The following MMGT1 variants were observed in gnomAD, a reference collection of about 807,000 sequenced individuals.
MMGT1 encodes the protein membrane magnesium transporter 1, also known as ER membrane protein complex subunit 5.
A neutral mutation model predicts 11.7 loss-of-function variants in MMGT1; 2 were observed. The observed-to-expected ratio is 0.17, with a 90% CI of 0.07 to 0.54. MMGT1 has a LOEUF of 0.54. Among genes scored for constraint, MMGT1 ranks in the 20% least tolerant of loss-of-function variants. MMGT1 has a pLI of 0.94. For synonymous variants in MMGT1, 49 were observed against 44.4 expected (o/e 1.10, Z -0.41); for missense variants, 74 against 109.0 (o/e 0.68, Z 1.43).
At chrX:135,967,567 C>T (rs1039825290) in intron 2 of MMGT1, 74 bp from the exon 3 acceptor site, 10 of 571,972 alleles carry the variant, frequency 1.7e-5, no homozygotes, top group Non-Finnish European at 2.7e-5. Context: ...CTCTCTACCT[C>T]TTCATTGCCT....
chrX:135,972,639 T>C (rs1286325128), intron 1 of MMGT1, among the ~76,000 whole-genome samples: 17 of 112,220 alleles, frequency 1.5e-4, no homozygotes, highest in Non-Finnish European at 1.9e-5. Context: ...TAAAGCTTAC[T>C]GTAGAAAATG....
In MMGT1 at chrX:135,964,845, A is replaced by G. The variant is rs1193308679; in HGVS notation, c.*179T>C. 3.3e-5 allele frequency: 12 copies of G among 363,854 alleles called. No individual in the cohort carries two copies. Among genetic ancestry groups the G allele is most frequent in the Non-Finnish European group, 5.4e-5 (11 of 203,915 alleles). The allele number at this position is 363,854 out of a possible 1,213,427, so 30.0% of individuals were successfully genotyped here. The stretch of plus-strand genomic sequence containing the variant: ...ATACCAAAGACTCATTTCACATATA[A>G]CTTACACTGCATTAATGATTGGATT... On this transcript the variant is annotated 3_prime_UTR_variant, in exon 4 of 4. Transcript: ENST00000305963.
rs782736563 is a variant in MMGT1 at position 135,965,082 on chromosome X, T to A, written c.338A>T (p.Asp113Val). 3.7e-5 allele frequency: 45 copies of A among 1,208,047 alleles called. No homozygotes were observed. Among genetic ancestry groups the A allele is most frequent in the Non-Finnish European group, 4.8e-5 (43 of 893,657 alleles). The change falls in exon 4 of 4, where the codon GAT becomes GTT. Residue 113 changes from aspartate (D) to valine (V), a missense_variant. By Grantham distance (152) the Asp-to-Val change is radical. Transcript: ENST00000305963. ...PSDTANSSNQ[D>V]ALSSNTSLKL... ...CAATGATGTGTTAGAGGACAATGCA[T>A]CTTGGTTTGAAGAATTTGCTGTATC... is the stretch of plus-strand genomic sequence containing the variant.
chrX:135,969,893 G>C (rs190160830), intron 2 of MMGT1, among the ~76,000 whole-genome samples: 1 of 111,574 alleles, frequency 9.0e-6, no homozygotes, highest in African/African-American at 3.3e-5. Flanking sequence ...AGTAGAAGTG[G>C]AACTGCCAAG....
chrX:135,964,780 G>C lies in MMGT1; in HGVS notation c.*244C>G, dbSNP rs185599069. 163 of 252,115 alleles carry C rather than the reference G, an allele frequency of 6.5e-4. 2 individuals carry two copies. In the Admixed American group the frequency reaches 6.8e-3, roughly 10 times the overall value. 20.8% of individuals were successfully genotyped at this position (252,115 alleles called of 1,213,427 possible). A position where few individuals can be genotyped will look rare whatever the true frequency, so the allele number is the denominator to read the frequency against. On this transcript the variant is annotated 3_prime_UTR_variant, in exon 4 of 4. Coordinates refer to ENST00000305963, the MANE Select transcript of MMGT1 (RefSeq NM_173470.3). ...AACAGTGGCTTTTACAAAAGATGTG[G>C]ATTTGTTTTAAATGAAAAAAAAAAT...
chrX:135,965,526 C>A (rs2089180460), intron 3 of MMGT1, among the ~76,000 whole-genome samples: 1 of 111,417 alleles, frequency 9.0e-6, no homozygotes, highest in African/African-American at 3.3e-5. Context: ...CTCAGCCCCC[C>A]AAGTGCTGGC....
At chrX:135,967,672 A>G (rs2089193626) in intron 2 of MMGT1, among the ~76,000 whole-genome samples, 179 bp from the exon 3 acceptor site, 1 of 111,743 alleles carries the variant, frequency 8.9e-6, no homozygotes, top group African/African-American at 3.3e-5. Flanking sequence ...AATTCTGTGG[A>G]TTGGCTGCAA....
At chrX:135,967,541 A>G in intron 2 of MMGT1, 48 bp from the exon 3 acceptor site, 2 of 747,837 alleles carry the variant, frequency 2.7e-6, no homozygotes. Context: ...ACATTATTAT[A>G]AATATTTACA....
Position 135,969,340 on chromosome X carries a change from T to G in MMGT1, c.132+1718A>C, listed in dbSNP as rs191435163. Among the ~76,000 whole-genome samples, 96 of 111,559 alleles carry G rather than the reference T, an allele frequency of 8.6e-4. 1 individual carries two copies. The highest frequency in any genetic ancestry group is 3.0e-3 in the African/African-American group (91 of 30,680). On this transcript the variant is annotated intron_variant, in intron 2 of 3. Transcript: ENST00000305963. The stretch of plus-strand genomic sequence containing the variant: ...CCACCAGTCTACCAAGAACACTTGG[T>G]TTTTGTTTTTGAGATGGAGTCTCGC...
intron 2 of MMGT1, among the ~76,000 whole-genome samples, chrX:135,969,731 A>G (rs1556612405): frequency 8.9e-6 from 1 of 112,559 alleles, no homozygotes. Context: ...TTAAGTAATA[A>G]AAAAGTTAAT....
In MMGT1 at chrX:135,971,968, A is replaced by G. The variant is rs183472051; in HGVS notation, c.80-858T>C. On this transcript the variant is annotated intron_variant, in intron 1 of 3. Coordinates refer to ENST00000305963, the MANE Select transcript of MMGT1 (RefSeq NM_173470.3). ...TTAGAATCAAAGAAATACAGTATCT[A>G]TTTTTTTCATTACCTGAATTTCCAC... Among the ~76,000 whole-genome samples the G allele has an allele frequency of 4.0e-3, 444 of 112,130 alleles. 2 individuals are homozygous for G. The highest frequency in any genetic ancestry group is 6.4e-3 in the Non-Finnish European group (343 of 53,236).
In MMGT1 at chrX:135,973,867, T is replaced by C; in HGVS notation, c.-192A>G. ...GGAATGCCGGGAAGAAGCAGAAAGC[T>C]ACACGGAAAAAGGTCCGCGAGAACC... On this transcript the variant is annotated 5_prime_UTR_variant, in exon 1 of 4. Transcript: ENST00000305963. 8.6e-7 allele frequency: 1 copy of C among 1,156,928 alleles called. No homozygotes were observed. The highest frequency in any genetic ancestry group is 1.2e-6 in the Non-Finnish European group (1 of 869,010).
chrX:135,970,983 G>A (rs1698904966), intron 2 of MMGT1, 75 bp downstream of exon 2: 1 of 722,217 alleles, frequency 1.4e-6, no homozygotes, highest in Non-Finnish European at 2.1e-6. Flanking sequence ...CGAAAAACCA[G>A]TAAAAAAAAA....
In MMGT1 at chrX:135,963,834, C is replaced by T. The variant is rs994411208; in HGVS notation, c.*1190G>A. 2 of 112,476 alleles carry T rather than the reference C, an allele frequency of 1.8e-5. No homozygotes were observed. Among genetic ancestry groups the T allele is most frequent in the African/African-American group, 6.5e-5 (2 of 30,921 alleles). 9.3% of individuals were successfully genotyped at this position (112,476 alleles called of 1,213,427 possible). On this transcript the variant is annotated 3_prime_UTR_variant, in exon 4 of 4. Transcript: ENST00000305963. ...TACCTGTACAATCCAAAAAAAGCAA[C>T]GTTCTCTACAAAGAAATGTTGAGCT...
chrX:135,966,126 TAAAA>T (rs1556611927), intron 3 of MMGT1, among the ~76,000 whole-genome samples: 1 of 112,362 alleles, frequency 8.9e-6, no homozygotes, highest in Non-Finnish European at 1.9e-5. Flanking sequence ...ATATGTAGTC[TAAAA>T]GAGTTCACAA....
In MMGT1 at chrX:135,963,885, C is replaced by G. The variant is rs990922779; in HGVS notation, c.*1139G>C. 8.9e-6 allele frequency: 1 copy of G among 112,749 alleles called. No individual in the cohort carries two copies. Among genetic ancestry groups the G allele is most frequent in the East Asian group, 2.8e-4 (1 of 3,603 alleles). The allele number at this position is 112,749 out of a possible 1,213,427, so 9.3% of individuals were successfully genotyped here. On this transcript the variant is annotated 3_prime_UTR_variant, in exon 4 of 4. Transcript: ENST00000305963. ...TCCTACAGCTCTCTAGCTCAAAGAG[C>G]TAGCCAATTTCCTTAAAAGTAAAAT...
At chrX:135,966,582 C>G (rs113923879) in intron 3 of MMGT1, among the ~76,000 whole-genome samples, 1,204 of 111,484 alleles carry the variant, frequency 0.011, 16 homozygotes, top group African/African-American at 0.037. Context: ...TTGATAGAGA[C>G]TCTGTCTCCA....
chrX:135,965,762 A>C (rs1178013431), intron 3 of MMGT1, among the ~76,000 whole-genome samples: 3 of 111,534 alleles, frequency 2.7e-5, no homozygotes, highest in Non-Finnish European at 5.6e-5. Flanking sequence ...AACAACACAA[A>C]TACTAGCTCA....
chrX:135,971,020 T>G (rs373383721), intron 2 of MMGT1, 38 bp downstream of exon 2: 61 of 996,591 alleles, frequency 6.1e-5, no homozygotes, highest in Non-Finnish European at 8.4e-5. Flanking sequence ...TGGCTGATTT[T>G]AAACATACAT....
Sources: gnomAD v4.1 joint callset for allele counts (sites outside exome capture counted in the v4.1 genomes callset) on GRCh38, gnomAD v4.1.1 for gene constraint, MANE v1.5 for transcripts, NCBI Gene and HGNC (gene_info 2026-07-23, HGNC 2026-07-21) for gene names.